ZNF487: variants seen among roughly 807,000 people sequenced by gnomAD.
The protein encoded by ZNF487 is zinc finger protein 487, also known as KRAB domain only 1.
ZNF487 carries 4 observed loss-of-function variants against 3.0 expected under a neutral mutation model. The observed-to-expected ratio is 1.35, with a 90% CI of 0.66 to 3.08. The LOEUF (loss-of-function observed/expected upper bound fraction) is 3.08, where lower values mean the gene tolerates loss of function less well. Ranked by LOEUF, ZNF487 falls within the 30% of genes most tolerant of loss-of-function variation. ZNF487 has a pLI of 0.01. For synonymous variants in ZNF487, 55 were observed against 34.6 expected, an observed-to-expected ratio of 1.59 and a Z score of -2.06; for missense variants, 146 against 98.7, an observed-to-expected ratio of 1.48 and a Z score of -2.03.
the ZNF487 span, among the ~76,000 whole-genome samples, chr10:43,506,344 T>C: frequency 0.73 from 111,060 of 151,822 alleles, 41,815 homozygotes; most frequent in East Asian, 0.93. Context: ...TGAGACTTTG[T>C]ACAAAAAATT....
At chr10:43,498,836 G>A in the ZNF487 span, among the ~76,000 whole-genome samples, 2 of 151,840 alleles carry the variant, frequency 1.3e-5, no homozygotes, top group African/African-American at 4.8e-5. Flanking sequence ...CAGCAACTCG[G>A]GAGGTTGAGG....
rs1382555563 is a variant in ZNF487, at chr10:43,465,139, G to T, written c.-93-10582G>T. Among the ~76,000 whole-genome samples, 22 of 122,084 alleles carry T rather than the reference G, an allele frequency of 1.8e-4. No individual in the cohort carries two copies. In the East Asian group the frequency reaches 2.5e-3, roughly 14 times the overall value. The allele number at this position is 122,084 out of a possible 152,430, so 80.1% of individuals were successfully genotyped here. On this transcript the variant is annotated intron_variant, in intron 1 of 3. Coordinates refer to ENST00000437590, the MANE Select transcript of ZNF487 (RefSeq NM_001355444.3). Reference sequence around the variant, plus strand: ...CGGATGGGGCGGCTGGCCGGGCGGGGGGCTGACCCGCCCACCTCCCTCCCG... The same window carrying T: ...CGGATGGGGCGGCTGGCCGGGCGGGTGGCTGACCCGCCCACCTCCCTCCCG...
chr10:43,492,195 A>G, the ZNF487 span, among the ~76,000 whole-genome samples: 3 of 151,888 alleles, frequency 2.0e-5, no homozygotes, highest in South Asian at 6.2e-4. Flanking sequence ...TCAAAATATA[A>G]TCATGATTGT....
chr10:43,494,244 T>C, the ZNF487 span, among the ~76,000 whole-genome samples: 1 of 152,198 alleles, frequency 6.6e-6, no homozygotes, highest in East Asian at 1.9e-4. Flanking sequence ...GCTTGTGTTC[T>C]TATAAAATTT....
chr10:43,510,816 G>A, the ZNF487 span, among the ~76,000 whole-genome samples: 1 of 152,184 alleles, frequency 6.6e-6, no homozygotes. Flanking sequence ...AAAGTGCGGG[G>A]ATTATAGGCG....
intron 1 of ZNF487, among the ~76,000 whole-genome samples, chr10:43,459,255 A>C (rs549004268): frequency 1.7e-4 from 26 of 151,698 alleles, no homozygotes; most frequent in African/African-American, 6.1e-4. Flanking sequence ...TTTTAGGTGT[A>C]GTCTCACTTT....
At chr10:43,469,401 C>G (rs1840823556) in intron 1 of ZNF487, among the ~76,000 whole-genome samples, 1 of 152,228 alleles carries the variant, frequency 6.6e-6, no homozygotes, top group African/African-American at 2.4e-5. Context: ...GCATGTCGAC[C>G]AGGCTGGTCT....
At chr10:43,493,709 A>AAAAAAAATATATATATAT in the ZNF487 span, among the ~76,000 whole-genome samples, 1 of 43,700 alleles carries the variant, frequency 2.3e-5, no homozygotes, top group African/African-American at 8.7e-5. Flanking sequence ...AAAAAAAAAA[A>AAAAAAAATATATATATAT]ATATATATAT....
the ZNF487 span, among the ~76,000 whole-genome samples, chr10:43,512,671 T>C: frequency 1.3e-5 from 2 of 152,310 alleles, no homozygotes; most frequent in Admixed American, 1.3e-4. Flanking sequence ...TCCAGCACCA[T>C]TGGATCTGTT....
At chr10:43,505,612 C>T in the ZNF487 span, among the ~76,000 whole-genome samples, 6 of 151,958 alleles carry the variant, frequency 3.9e-5, no homozygotes, top group Admixed American at 1.3e-4. Context: ...AATGTTTGCT[C>T]ATCAACATTG....
At chr10:43,455,675 C>T (rs909315285) in intron 1 of ZNF487, among the ~76,000 whole-genome samples, 1 of 152,224 alleles carries the variant, frequency 6.6e-6, no homozygotes, top group African/African-American at 2.4e-5. Flanking sequence ...ATGCGCGGCC[C>T]ATTTCCGAGA....
At chr10:43,461,255 C>T (rs1373253179) in intron 1 of ZNF487, among the ~76,000 whole-genome samples, 2 of 151,832 alleles carry the variant, frequency 1.3e-5, no homozygotes, top group Non-Finnish European at 2.9e-5. Flanking sequence ...GATCTGCCTG[C>T]CTTGGCCTCC....
the ZNF487 span, among the ~76,000 whole-genome samples, chr10:43,511,515 G>A: frequency 6.6e-6 from 1 of 152,154 alleles, no homozygotes; most frequent in Non-Finnish European, 1.5e-5. Flanking sequence ...TGATGGAAGA[G>A]GTCCAATATA....
Position 43,482,996 on chromosome 10 carries a change from C to A in ZNF487, c.*1074C>A. 2.0e-6 allele frequency: 1 copy of A among 502,008 alleles called. No individual in the cohort carries two copies. Among genetic ancestry groups the A allele is most frequent in the East Asian group, 5.9e-5 (1 of 16,880 alleles). 31.1% of individuals were successfully genotyped at this position (502,008 alleles called of 1,614,324 possible). Reference sequence around the variant, plus strand: ...AGAGAACACACACAAGGGAGCAACCCTATGAATATAATGAAAGCTTTTACC... The same window carrying A: ...AGAGAACACACACAAGGGAGCAACCATATGAATATAATGAAAGCTTTTACC... On this transcript the variant is annotated 3_prime_UTR_variant, in exon 4 of 4. Coordinates refer to ENST00000437590, the MANE Select transcript of ZNF487 (RefSeq NM_001355444.3).
the ZNF487 span, among the ~76,000 whole-genome samples, chr10:43,519,445 T>C: frequency 1.3e-5 from 2 of 151,864 alleles, no homozygotes; most frequent in Non-Finnish European, 2.9e-5. Flanking sequence ...ATTTCTCTCC[T>C]CTTACCTAAC....
intron 1 of ZNF487, among the ~76,000 whole-genome samples, chr10:43,455,147 T>C (rs907911307): frequency 9.9e-5 from 15 of 151,740 alleles, no homozygotes; most frequent in Non-Finnish European, 1.8e-4. Flanking sequence ...TAGCTGGAAC[T>C]ATAGGCGCCC....
At chr10:43,499,560 T>A in the ZNF487 span, among the ~76,000 whole-genome samples, 1 of 151,986 alleles carries the variant, frequency 6.6e-6, no homozygotes, top group African/African-American at 2.4e-5. Flanking sequence ...GAGACTAGCC[T>A]GGGCACACGG....
At chr10:43,441,537 G>C (rs1275872308) in intron 1 of ZNF487, among the ~76,000 whole-genome samples, 1 of 151,764 alleles carries the variant, frequency 6.6e-6, no homozygotes, top group Non-Finnish European at 1.5e-5. Context: ...AAAGTTCTGG[G>C]ATTACAGGCA....
chr10:43,500,718 A>G, the ZNF487 span, among the ~76,000 whole-genome samples: 1 of 150,466 alleles, frequency 6.6e-6, no homozygotes, highest in East Asian at 2.0e-4. Context: ...TCTTGTTGCC[A>G]GGCTGGTCCT....
Sources: allele counts gnomAD v4.1 joint callset (sites outside exome capture counted in the v4.1 genomes callset), GRCh38; gene constraint gnomAD v4.1.1; transcripts MANE v1.5; gene names NCBI Gene and HGNC (gene_info 2026-07-23, HGNC 2026-07-21).